CD59: variants seen among roughly 807,000 people sequenced by gnomAD.
The protein encoded by CD59 is CD59 molecule (CD59 blood group).
In CD59, 3 loss-of-function variants were observed where a neutral mutation model predicts 7.0. That is an observed-to-expected ratio of 0.43 (90% CI 0.19 to 1.10). The LOEUF (loss-of-function observed/expected upper bound fraction) is 1.10. Ranked by LOEUF, CD59 falls within the 50% of genes least tolerant of loss-of-function variation. The pLI is 0.29. For synonymous variants in CD59, 60 were observed against 62.0 expected, an observed-to-expected ratio of 0.97 and a Z score of 0.15; for missense variants, 143 against 151.0, an observed-to-expected ratio of 0.95 and a Z score of 0.28.
At chr11:33,715,011 T>G (rs919808703) in intron 3 of CD59, among the ~76,000 whole-genome samples, 2 of 150,942 alleles carry the variant, frequency 1.3e-5, no homozygotes, top group African/African-American at 4.9e-5. Context: ...TGGCACGACC[T>G]TGGCTCACTG....
rs2133521885 is a variant in CD59, at chr11:33,710,153, C to T, written c.360G>A (p.Leu120=). 1 of 1,613,654 alleles carries T rather than the reference C, an allele frequency of 6.2e-7. No individual in the cohort carries two copies. Among genetic ancestry groups the T allele is most frequent in the Non-Finnish European group, 8.5e-7 (1 of 1,179,824 alleles). Residue 120 remains leucine, a synonymous_variant, in exon 4 of 4, where the codon CTG becomes CTA. Transcript: ENST00000642928. ...KTVLLLVTPF[L]AAAWSLHP ...AGGGATGAAGGCTCCAGGCTGCTGC[C>T]AGAAATGGAGTCACCAGCAGAAGAA... is the stretch of plus-strand genomic sequence containing the variant.
intron 1 of CD59, among the ~76,000 whole-genome samples, chr11:33,732,889 A>T (rs1854459582): frequency 6.6e-6 from 1 of 152,210 alleles, no homozygotes; most frequent in Admixed American, 6.5e-5. Context: ...TAAGGAGATT[A>T]TTTTGGATTA....
chr11:33,710,995 G>A (rs1457431718), intron 3 of CD59, among the ~76,000 whole-genome samples: 3 of 149,132 alleles, frequency 2.0e-5, no homozygotes, highest in African/African-American at 4.9e-5. Context: ...AAGAAATGAC[G>A]TGGGCCTTCA....
intron 1 of CD59, among the ~76,000 whole-genome samples, chr11:33,727,999 C>T (rs2133568419): frequency 6.6e-6 from 1 of 152,258 alleles, no homozygotes; most frequent in South Asian, 2.1e-4. Flanking sequence ...AACTACAAAC[C>T]ACTGCTCAAG....
At chr11:33,717,088 C>T (rs1053142208) in intron 3 of CD59, among the ~76,000 whole-genome samples, 1 of 152,242 alleles carries the variant, frequency 6.6e-6, no homozygotes, top group East Asian at 1.9e-4. Flanking sequence ...ATCAGATGGA[C>T]TTCCATGTTC....
At position 33,704,476 on chromosome 11, in the gene CD59, G is replaced by A. The variant is rs1279541967; in HGVS notation, c.*5650C>T. ...ATCCTAGAAAACCCAACCCACTCCA[G>A]ATAATCGCGCCAGCCTCACACCTGA... On this transcript the variant is annotated 3_prime_UTR_variant, in exon 4 of 4. Transcript: ENST00000642928. 1 of 152,164 alleles carries A rather than the reference G, an allele frequency of 6.6e-6. No homozygotes were observed. Among genetic ancestry groups the A allele is most frequent in the Non-Finnish European group, 1.5e-5 (1 of 68,054 alleles). 9.4% of individuals were successfully genotyped at this position (152,164 alleles called of 1,614,324 possible).
Position 33,703,575 on chromosome 11 carries a change from T to C in CD59, c.*6551A>G, listed in dbSNP as rs1853183965. The C allele has an allele frequency of 6.6e-6, 1 of 152,234 alleles. No individual in the cohort carries two copies. The highest frequency in any genetic ancestry group is 2.4e-5 in the African/African-American group (1 of 41,448). The allele number at this position is 152,234 out of a possible 1,614,324, so 9.4% of individuals were successfully genotyped here. Reference sequence around the variant, plus strand: ...GTCCCTCTTCGTTGATCAGGGTCAGTTGAAAGATGTAGCTGTCGGCCTGGT... The same window carrying C: ...GTCCCTCTTCGTTGATCAGGGTCAGCTGAAAGATGTAGCTGTCGGCCTGGT... On this transcript the variant is annotated 3_prime_UTR_variant, in exon 4 of 4. Transcript: ENST00000642928.
At chr11:33,728,161 A>T (rs1854311655) in intron 1 of CD59, among the ~76,000 whole-genome samples, 1 of 152,206 alleles carries the variant, frequency 6.6e-6, no homozygotes, top group Non-Finnish European at 1.5e-5. Flanking sequence ...ACAGAATTGG[A>T]AAAAACTACT....
intron 2 of CD59, chr11:33,718,807 A>G (rs1486297599): frequency 2.0e-5 from 3 of 152,098 alleles, no homozygotes; most frequent in African/African-American, 7.2e-5. Context: ...TTCCTTCTCC[A>G]TTTTTGTAAC....
intron 1 of CD59, among the ~76,000 whole-genome samples, chr11:33,724,890 C>A (rs831625): frequency 9.9e-5 from 15 of 151,206 alleles, no homozygotes; most frequent in African/African-American, 2.7e-4. Context: ...CGGGCTGTTC[C>A]ATCAAAATAA....
chr11:33,712,021 G>A (rs1016326679), intron 3 of CD59, among the ~76,000 whole-genome samples: 4 of 152,166 alleles, frequency 2.6e-5, no homozygotes, highest in African/African-American at 9.7e-5. Context: ...ATATACTTCT[G>A]CCATTCTCTG....
At position 33,717,644 on chromosome 11, in the gene CD59, T is replaced by G. The variant is rs1256548163; in HGVS notation, c.68-173A>C. On this transcript the variant is annotated intron_variant, in intron 2 of 3. Coordinates refer to ENST00000642928, the MANE Select transcript of CD59 (RefSeq NM_000611.6). ...AATTCAAACTACAGTTCCAGCAACA[T>G]TTTTTGGACCCTGATGCAAGCACAA... is the stretch of plus-strand genomic sequence containing the variant. 3 of 625,654 alleles carry G rather than the reference T, an allele frequency of 4.8e-6. No homozygotes were observed. In the African/African-American group the frequency reaches 5.5e-5, roughly 11 times the overall value. The allele number at this position is 625,654 out of a possible 1,614,324, so 38.8% of individuals were successfully genotyped here. A position where few individuals can be genotyped will look rare whatever the true frequency, so the allele number is the denominator to read the frequency against.
intron 2 of CD59, 53 bp from the exon 3 acceptor site, chr11:33,717,524 T>C: frequency 4.3e-6 from 5 of 1,156,890 alleles, no homozygotes; most frequent in South Asian, 2.5e-5. Flanking sequence ...ACTTGTCCCC[T>C]GGCAGCCCAC....
intron 1 of CD59, chr11:33,722,868 G>T: frequency 1.1e-6 from 1 of 941,712 alleles, no homozygotes; most frequent in Non-Finnish European, 1.4e-6. Context: ...ACTCTGGAAG[G>T]CACCAGCATG....
chr11:33,718,550 A>G (rs1300125880), intron 2 of CD59: 1 of 152,164 alleles, frequency 6.6e-6, no homozygotes, highest in African/African-American at 2.4e-5. Flanking sequence ...ACAGGGTATC[A>G]TTACTGAACT....
intron 1 of CD59, among the ~76,000 whole-genome samples, chr11:33,727,775 C>T (rs1337292520): frequency 3.9e-5 from 6 of 152,136 alleles, no homozygotes; most frequent in Admixed American, 1.3e-4. Flanking sequence ...AAAATCCCAT[C>T]GTCTCAGCAC....
rs1853841828 is a variant in CD59 at position 33,717,355 on chromosome 11, AG to A, written c.169+14del. The A allele has an allele frequency of 6.4e-7, 1 of 1,550,782 alleles. No homozygotes were observed. Among genetic ancestry groups the A allele is most frequent in the African/African-American group, 1.4e-5 (1 of 73,644 alleles). ...ACCCCATTACATTTAGGAGACAGAC[AG>A]GGGAGGCTCTTACCAGCTTTGGTAA... On this transcript the variant is annotated intron_variant, in intron 3 of 3. Coordinates refer to ENST00000642928, the MANE Select transcript of CD59 (RefSeq NM_000611.6).
intron 1 of CD59, among the ~76,000 whole-genome samples, chr11:33,723,322 C>T (rs1590536877): frequency 6.6e-6 from 1 of 152,286 alleles, no homozygotes; most frequent in East Asian, 1.9e-4. Context: ...TCTACCCTCC[C>T]TAAGTCAGAA....
At chr11:33,729,385 G>A (rs181129052) in intron 1 of CD59, among the ~76,000 whole-genome samples, 1 of 152,214 alleles carries the variant, frequency 6.6e-6, no homozygotes, top group East Asian at 1.9e-4. Flanking sequence ...GATGAAACTG[G>A]AAACCATCAT....
Sources: gnomAD v4.1 joint callset for allele counts (sites outside exome capture counted in the v4.1 genomes callset) on GRCh38, gnomAD v4.1.1 for gene constraint, MANE v1.5 for transcripts, NCBI Gene and HGNC (gene_info 2026-07-23, HGNC 2026-07-21) for gene names.